FMN2: variants seen among roughly 807,000 people sequenced by gnomAD.
FMN2 encodes the protein formin-2.
In FMN2, 51 loss-of-function variants were observed where a neutral mutation model predicts 142.3. The ratio of observed to expected loss-of-function variants is 0.36; its 90% CI spans 0.29 to 0.45. The LOEUF is 0.45. Ranked by LOEUF, FMN2 falls within the 20% of genes least tolerant of loss-of-function variation. The pLI is 1.00. For missense variants in FMN2, 1,936 were observed against 2,122.8 expected, an observed-to-expected ratio of 0.91 and a Z score of 1.73; for synonymous variants, 882 against 869.8, an observed-to-expected ratio of 1.01 and a Z score of -0.25.
chr1:240,152,683 T>C (rs1157917788), intron 2 of FMN2, among the ~76,000 whole-genome samples: 3 of 152,202 alleles, frequency 2.0e-5, no homozygotes, highest in Admixed American at 6.5e-5. Flanking sequence ...ACTAATGTCA[T>C]GCTAGAATAC....
At position 240,198,446 on chromosome 1, in the gene FMN2, G is replaced by A. The variant is rs115698833; in HGVS notation, c.1987-8353G>A. ...TCCATATCACATTTCTCAGTCATCC[G>A]TGAAGGAATGGAAAGAGATTTGCCA... On this transcript the variant is annotated intron_variant, in intron 4 of 17. Coordinates refer to ENST00000319653, the MANE Select transcript of FMN2 (RefSeq NM_020066.5). Among the ~76,000 whole-genome samples, 1,319 of 152,242 alleles carry A rather than the reference G, an allele frequency of 8.7e-3. 9 individuals carry two copies. The highest frequency in any genetic ancestry group is 0.023 in the African/African-American group (947 of 41,530).
chr1:240,403,767 C>T (rs1349869826), intron 15 of FMN2, among the ~76,000 whole-genome samples: 1 of 152,052 alleles, frequency 6.6e-6, no homozygotes, highest in Non-Finnish European at 1.5e-5. Context: ...TTTATTTGGA[C>T]ATTATTATGT....
intron 6 of FMN2, among the ~76,000 whole-genome samples, chr1:240,256,964 A>C (rs538342828): frequency 2.6e-4 from 39 of 152,358 alleles, no homozygotes; most frequent in African/African-American, 8.9e-4. Context: ...AACTTAAACC[A>C]TAAGGGAAGA....
In FMN2 at chr1:240,474,141, G is replaced by A; in HGVS notation, c.5156G>A (p.Ser1719Asn). Residue 1719 changes from serine to asparagine, a missense_variant, in exon 18 of 18, where the codon AGC (serine) becomes AAC (asparagine). By Grantham distance (46) the Ser-to-Asn change is conservative. Transcript: ENST00000319653. ...RHDSGIKAKI[S>N]MKT ...ATTTGTTTTCAGAAAGCAAAGATAAGCATGAAAACTTGAACAATGAAAAGC... is the reference window on the plus strand; with the variant it reads ...ATTTGTTTTCAGAAAGCAAAGATAAACATGAAAACTTGAACAATGAAAAGC... 6.4e-7 allele frequency: 1 copy of A among 1,555,648 alleles called. No individual in the cohort carries two copies. The highest frequency in any genetic ancestry group is 8.6e-7 in the Non-Finnish European group (1 of 1,160,486).
chr1:240,204,216 C>T (rs1558357862), intron 4 of FMN2, among the ~76,000 whole-genome samples: 9 of 152,062 alleles, frequency 5.9e-5, no homozygotes, highest in Admixed American at 5.2e-4. Flanking sequence ...CTTCAGCTGT[C>T]AGCAAACATC....
intron 13 of FMN2, among the ~76,000 whole-genome samples, chr1:240,352,227 G>C (rs532092402): frequency 6.6e-6 from 1 of 152,136 alleles, no homozygotes; most frequent in Admixed American, 6.5e-5. Context: ...AGTTCTGTTC[G>C]TGGCAGTCTT....
intron 2 of FMN2, among the ~76,000 whole-genome samples, chr1:240,146,666 A>G (rs1405288972): frequency 1.3e-5 from 2 of 152,112 alleles, no homozygotes; most frequent in Admixed American, 1.3e-4. Context: ...ACTTTGTCTC[A>G]ATAAATAAAT....
chr1:240,121,902 C>T (rs12125107), intron 1 of FMN2, among the ~76,000 whole-genome samples: 45,508 of 151,040 alleles, frequency 0.3, 7,036 homozygotes, highest in Middle Eastern at 0.35. Flanking sequence ...GTGCCTTTGC[C>T]TGCCTCTTCG....
intron 16 of FMN2, among the ~76,000 whole-genome samples, chr1:240,465,753 A>G (rs1007698979): frequency 1.9e-4 from 29 of 152,214 alleles, no homozygotes; most frequent in Non-Finnish European, 1.8e-4. Context: ...ATTCGATTGA[A>G]TGATGAAAGC....
In FMN2 at chr1:240,197,705, A is replaced by G. The variant is rs118002125; in HGVS notation, c.1987-9094A>G. Among the ~76,000 whole-genome samples the G allele has an allele frequency of 7.8e-4, 117 of 150,516 alleles. 1 individual carries two copies. The East Asian group carries it at 0.021, about 28-fold the overall frequency. ...TGTTGAGTGAGAGAATAGGGAAAGC[A>G]TTGTGGTTAGGTTTTTTCCTGTACC... On this transcript the variant is annotated intron_variant, in intron 4 of 17. Coordinates refer to ENST00000319653, the MANE Select transcript of FMN2 (RefSeq NM_020066.5).
chr1:240,440,822 ACCAGCTATGT>A (rs1675584808), intron 16 of FMN2, among the ~76,000 whole-genome samples: 1 of 152,086 alleles, frequency 6.6e-6, no homozygotes, highest in Non-Finnish European at 1.5e-5. Context: ...TTAGTGAGGG[ACCAGCTATGT>A]ACTTCTTAGG....
chr1:240,323,690 T>C (rs1367127312), intron 8 of FMN2, among the ~76,000 whole-genome samples: 1 of 152,218 alleles, frequency 6.6e-6, no homozygotes, highest in African/African-American at 2.4e-5. Flanking sequence ...TTTGTGAGGA[T>C]AAAAATGTCT....
intron 7 of FMN2, among the ~76,000 whole-genome samples, chr1:240,294,539 A>C (rs1260970388): frequency 6.6e-6 from 1 of 152,250 alleles, no homozygotes; most frequent in Non-Finnish European, 1.5e-5. Flanking sequence ...TTTCAAATTC[A>C]TTCAGTTCGG....
chr1:240,352,061 A>G (rs1013342491), intron 13 of FMN2, among the ~76,000 whole-genome samples: 1 of 152,356 alleles, frequency 6.6e-6, no homozygotes, highest in Non-Finnish European at 1.5e-5. Flanking sequence ...TTTGCAAATC[A>G]GTCAAGGTGA....
intron 2 of FMN2, chr1:240,144,141 G>T: frequency 7.7e-7 from 1 of 1,301,154 alleles, no homozygotes; most frequent in Non-Finnish European, 1.1e-6. Context: ...CATCCCAACA[G>T]ATGCAGCTGC....
chr1:240,238,043 A>G (rs140650158), intron 6 of FMN2, among the ~76,000 whole-genome samples: 1 of 152,348 alleles, frequency 6.6e-6, no homozygotes, highest in African/African-American at 2.4e-5. Flanking sequence ...GATTCTAGGC[A>G]TTAAGCAGAA....
At chr1:240,470,776 C>T (rs2103247470) in intron 16 of FMN2, among the ~76,000 whole-genome samples, 1 of 151,852 alleles carries the variant, frequency 6.6e-6, no homozygotes, top group East Asian at 1.9e-4. Context: ...GGAAAAGTCA[C>T]AGTAATAAAA....
At chr1:240,336,553 CAAAAAAAAAAAAAAAA>C (rs552135436) in intron 13 of FMN2, among the ~76,000 whole-genome samples, 20 of 50,524 alleles carry the variant, frequency 4.0e-4, no homozygotes, top group African/African-American at 8.3e-4. Flanking sequence ...TGGTATTCTC[CAAAAAAAAAAAAAAAA>C]AAAAAAAAAA....
chr1:240,257,245 G>A (rs549422792), intron 6 of FMN2, among the ~76,000 whole-genome samples: 20 of 152,218 alleles, frequency 1.3e-4, no homozygotes, highest in Non-Finnish European at 2.4e-4. Context: ...GGAACCCTTC[G>A]CATGGGATCG....
Sources: allele counts gnomAD v4.1 joint callset (sites outside exome capture counted in the v4.1 genomes callset), GRCh38; gene constraint gnomAD v4.1.1; transcripts MANE v1.5; gene names NCBI Gene and HGNC (gene_info 2026-07-23, HGNC 2026-07-21).